SLMAP: variants seen among roughly 807,000 people sequenced by gnomAD.
SLMAP encodes the protein sarcolemma associated protein.
In SLMAP, 44 loss-of-function variants were observed where a neutral mutation model predicts 128.8. That is an observed-to-expected ratio of 0.34 (90% CI 0.27 to 0.44). The LOEUF is 0.44. SLMAP is among the 20% of genes least tolerant of loss of function. The pLI is 1.00. For missense variants in SLMAP, 787 were observed against 985.3 expected, an observed-to-expected ratio of 0.80 and a Z score of 2.69; for synonymous variants, 327 against 348.8, an observed-to-expected ratio of 0.94 and a Z score of 0.70.
At chr3:57,844,670 TAA>T (rs59620155) in intron 4 of SLMAP, among the ~76,000 whole-genome samples, 1 of 147,074 alleles carries the variant, frequency 6.8e-6, no homozygotes, top group Non-Finnish European at 1.5e-5. Flanking sequence ...AAAGGTGAAT[TAA>T]AAAAAAAATC....
At position 57,890,193 on chromosome 3, in the gene SLMAP, T is replaced by C; in HGVS notation, c.1360+93T>C. 7 of 1,218,210 alleles carry C rather than the reference T, an allele frequency of 5.7e-6. No homozygotes were observed. In the South Asian group the frequency reaches 9.2e-5, roughly 16 times the overall value. The allele number at this position is 1,218,210 out of a possible 1,614,324, so 75.5% of individuals were successfully genotyped here. ...AAGGTTATAGTATTTTAACCATCAGTTTACTTCTTATAGCTCACAAAATAG... is the reference window on the plus strand; with the variant it reads ...AAGGTTATAGTATTTTAACCATCAGCTTACTTCTTATAGCTCACAAAATAG... On this transcript the variant is annotated intron_variant, in intron 15 of 24. Transcript: ENST00000671191.
chr3:57,912,216 C>CTTT, intron 19 of SLMAP, 165 bp from the exon 20 acceptor site: 1 of 529,036 alleles, frequency 1.9e-6, no homozygotes, highest in Non-Finnish European at 3.3e-6. Flanking sequence ...TTTTTTTCCT[C>CTTT]TTTGCTATCT....
At chr3:57,839,383 C>G (rs996116702) in intron 3 of SLMAP, among the ~76,000 whole-genome samples, 1 of 149,944 alleles carries the variant, frequency 6.7e-6, no homozygotes, top group African/African-American at 2.5e-5. Flanking sequence ...ATAATATCAT[C>G]TTGATGATTC....
At chr3:57,780,790 C>T (rs568303705) in intron 2 of SLMAP, among the ~76,000 whole-genome samples, 2 of 151,606 alleles carry the variant, frequency 1.3e-5, no homozygotes, top group East Asian at 2.0e-4. Flanking sequence ...ACTGTAGGCA[C>T]GCACCACCAT....
At chr3:57,875,481 C>A (rs992722657) in intron 14 of SLMAP, among the ~76,000 whole-genome samples, 9 of 152,200 alleles carry the variant, frequency 5.9e-5, no homozygotes, top group Non-Finnish European at 7.3e-5. Context: ...CACCATTGCA[C>A]TCCAGCCTGG....
At chr3:57,887,538 TAAAC>T (rs1282245615) in intron 14 of SLMAP, among the ~76,000 whole-genome samples, 5 of 152,176 alleles carry the variant, frequency 3.3e-5, no homozygotes, top group African/African-American at 9.7e-5. Context: ...ATGGCTCAAC[TAAAC>T]AAACATTTAT....
intron 2 of SLMAP, among the ~76,000 whole-genome samples, chr3:57,786,731 ATTTTTTTTT>A (rs35138483): frequency 1.1e-5 from 1 of 88,764 alleles, no homozygotes; most frequent in Non-Finnish European, 2.2e-5. Context: ...TAGTCTTTGT[ATTTTTTTTT>A]TTTTTTTTTT....
chr3:57,800,979 CT>C, intron 2 of SLMAP: 1 of 286,298 alleles, frequency 3.5e-6, no homozygotes, highest in South Asian at 4.3e-5. Context: ...ATTGATCCTA[CT>C]TTTCCTTTAG....
At position 57,919,750 on chromosome 3, in the gene SLMAP, G is replaced by A. The variant is rs548489654; in HGVS notation, c.2310+2673G>A. On this transcript the variant is annotated intron_variant, in intron 22 of 24. Transcript: ENST00000671191. ...GTGGAGGTTGTGGTAAGCCAAGATC[G>A]CACCATTGCACTCCAGCCTAGGCAA... Among the ~76,000 whole-genome samples, 37 of 148,810 alleles carry A rather than the reference G, an allele frequency of 2.5e-4. No individual in the cohort carries two copies. The South Asian group carries it at 7.5e-3, about 30-fold the overall frequency.
In SLMAP at chr3:57,766,658, T is replaced by G. The variant is rs2079799013; in HGVS notation, c.198+8809T>G. Among the ~76,000 whole-genome samples the G allele has an allele frequency of 1.3e-5, 2 of 152,154 alleles. 1 individual carries two copies. Among genetic ancestry groups the G allele is most frequent in the South Asian group, 4.1e-4 (2 of 4,830 alleles). ...TAAAATCTATATCTTATTTTCTTTTTTTCTAGCTCTCTCTTTTATTACTGT... is the reference window on the plus strand; with the variant it reads ...TAAAATCTATATCTTATTTTCTTTTGTTCTAGCTCTCTCTTTTATTACTGT... On this transcript the variant is annotated intron_variant, in intron 2 of 24. Coordinates refer to ENST00000671191, the MANE Select transcript of SLMAP (RefSeq NM_001377540.1).
At chr3:57,793,224 G>A (rs998213351) in intron 2 of SLMAP, among the ~76,000 whole-genome samples, 1 of 152,128 alleles carries the variant, frequency 6.6e-6, no homozygotes, top group Non-Finnish European at 1.5e-5. Context: ...CCTACACCCT[G>A]TAGGCTTCTT....
intron 21 of SLMAP, 96 bp from the exon 22 acceptor site, chr3:57,916,810 A>T (rs2153697995): frequency 1.1e-6 from 1 of 948,246 alleles, no homozygotes; most frequent in Non-Finnish European, 1.6e-6. Flanking sequence ...TCTGAAATCC[A>T]CTCTATCCCT....
intron 22 of SLMAP, 99 bp from the exon 23 acceptor site, chr3:57,922,790 A>G: frequency 9.1e-7 from 1 of 1,093,834 alleles, no homozygotes; most frequent in Non-Finnish European, 1.3e-6. Flanking sequence ...TTGGTGTTCC[A>G]GGTGACTAAA....
At chr3:57,778,296 T>C (rs557050940) in intron 2 of SLMAP, among the ~76,000 whole-genome samples, 57 of 152,058 alleles carry the variant, frequency 3.7e-4, no homozygotes, top group African/African-American at 1.3e-3. Context: ...TACCTTGTTA[T>C]ACTTTTAGTA....
Position 57,912,267 on chromosome 3 carries a change from C to T in SLMAP, c.1700-114C>T, listed in dbSNP as rs1384993369. The T allele has an allele frequency of 9.6e-6, 8 of 831,264 alleles. 1 individual carries two copies. Among genetic ancestry groups the T allele is most frequent in the Non-Finnish European group, 1.5e-5 (8 of 527,016 alleles). The allele number at this position is 831,264 out of a possible 1,614,324, so 51.5% of individuals were successfully genotyped here. On this transcript the variant is annotated intron_variant, in intron 19 of 24. Coordinates refer to ENST00000671191, the MANE Select transcript of SLMAP (RefSeq NM_001377540.1). ...CTGCATCAAACGTGGATTGTTTATACACTTTAATCAAAAGCAACAGCTCTG... is the reference window on the plus strand; with the variant it reads ...CTGCATCAAACGTGGATTGTTTATATACTTTAATCAAAAGCAACAGCTCTG...
At chr3:57,810,642 C>T (rs958370068) in intron 2 of SLMAP, among the ~76,000 whole-genome samples, 2 of 152,304 alleles carry the variant, frequency 1.3e-5, no homozygotes, top group East Asian at 3.9e-4. Context: ...CATTCATCTT[C>T]CGCTACGTCC....
chr3:57,801,797 A>G (rs952173700), intron 2 of SLMAP, among the ~76,000 whole-genome samples: 12 of 151,350 alleles, frequency 7.9e-5, no homozygotes, highest in Non-Finnish European at 1.5e-4. Context: ...TTGCCAAACT[A>G]CTTTCCAGTA....
At position 57,862,010 on chromosome 3, in the gene SLMAP, A is replaced by G; in HGVS notation, c.890A>G (p.Gln297Arg). 6.2e-7 allele frequency: 1 copy of G among 1,606,936 alleles called. No individual in the cohort carries two copies. The highest frequency in any genetic ancestry group is 8.5e-7 in the Non-Finnish European group (1 of 1,173,476). ...THLKEMNERT[Q>R]EELRELANKY... ...CTGAAAGAAATGAATGAAAGGACTCAGGAAGAATTAAGAGAATTAGCCAAC... is the reference window on the plus strand; with the variant it reads ...CTGAAAGAAATGAATGAAAGGACTCGGGAAGAATTAAGAGAATTAGCCAAC... Residue 297 changes from glutamine to arginine, a missense_variant, in exon 10 of 25, where the codon CAG (glutamine) becomes CGG (arginine). Around this residue, in one of 2 missense-constraint regions of SLMAP, gnomAD observed 715 missense variants for 843.6 expected, o/e 0.85. Coordinates refer to ENST00000671191, the MANE Select transcript of SLMAP (RefSeq NM_001377540.1).
At chr3:57,926,467 T>C (rs546323638) in intron 24 of SLMAP, among the ~76,000 whole-genome samples, 1 of 152,342 alleles carries the variant, frequency 6.6e-6, no homozygotes, top group South Asian at 2.1e-4. Flanking sequence ...ATCTCAACCC[T>C]ATTGTGTACT....
Sources: allele counts gnomAD v4.1 joint callset (sites outside exome capture counted in the v4.1 genomes callset), GRCh38; gene constraint gnomAD v4.1.1; regional missense constraint gnomAD v4.1.1; transcripts MANE v1.5; gene names NCBI Gene and HGNC (gene_info 2026-07-23, HGNC 2026-07-21).